The following LRRC28 variants were observed in gnomAD, a reference collection of about 807,000 sequenced individuals.
LRRC28 encodes the protein leucine rich repeat containing 28, also known as leucine-rich repeat-containing protein 28.
In LRRC28, 39 loss-of-function variants were observed where a neutral mutation model predicts 45.7. The ratio of observed to expected loss-of-function variants is 0.85; its 90% CI spans 0.66 to 1.12. The LOEUF (loss-of-function observed/expected upper bound fraction) is 1.12. Among genes scored for constraint, LRRC28 ranks in the 50% most tolerant of loss-of-function variants. The probability of loss-of-function intolerance (pLI) is 0.00; values close to 1 mark genes in which losing one functional copy is unlikely to be tolerated. For missense variants in LRRC28, 435 were observed against 438.5 expected (o/e 0.99, Z 0.07); for synonymous variants, 206 against 178.8 (o/e 1.15, Z -1.22).
intron 6 of LRRC28, among the ~76,000 whole-genome samples, chr15:99,343,538 A>G (rs1956585410): frequency 6.6e-6 from 1 of 152,348 alleles, no homozygotes; most frequent in African/African-American, 2.4e-5. Flanking sequence ...GAAGAAAAAA[A>G]GGAAATATTT....
At chr15:99,296,536 C>G (rs1410172245) in intron 5 of LRRC28, among the ~76,000 whole-genome samples, 1 of 152,196 alleles carries the variant, frequency 6.6e-6, no homozygotes, top group South Asian at 2.1e-4. Context: ...TAGCACTTCT[C>G]TCACTAAAAA....
intron 2 of LRRC28, among the ~76,000 whole-genome samples, chr15:99,272,463 G>T (rs773657451): frequency 6.6e-6 from 1 of 152,230 alleles, no homozygotes; most frequent in Non-Finnish European, 1.5e-5. Flanking sequence ...GAGAAGGAAA[G>T]AAAGTAGGTA....
At chr15:99,361,611 G>T in intron 8 of LRRC28, 100 bp downstream of exon 8, 3 of 1,215,424 alleles carry the variant, frequency 2.5e-6, no homozygotes, top group Non-Finnish European at 3.4e-6. Flanking sequence ...AAAAATTATT[G>T]TGGTAAAATA....
intron 2 of LRRC28, among the ~76,000 whole-genome samples, chr15:99,269,038 A>G (rs2081404638): frequency 6.6e-6 from 1 of 152,190 alleles, no homozygotes; most frequent in Admixed American, 6.5e-5. Flanking sequence ...TATCAAATTC[A>G]GAAACATTGT....
chr15:99,362,958 A>ATTCAG, intron 8 of LRRC28, 148 bp from the exon 9 acceptor site: 1 of 742,890 alleles, frequency 1.3e-6, no homozygotes, highest in Non-Finnish European at 2.0e-6. Flanking sequence ...TTAGATTTTT[A>ATTCAG]TTCAGTGTGT....
intron 6 of LRRC28, among the ~76,000 whole-genome samples, chr15:99,347,143 T>C (rs1384452725): frequency 6.6e-6 from 1 of 152,166 alleles, no homozygotes; most frequent in Non-Finnish European, 1.5e-5. Flanking sequence ...TCTGCTATTT[T>C]CCATCCTTAC....
At chr15:99,347,130 A>G (rs1430251078) in intron 6 of LRRC28, among the ~76,000 whole-genome samples, 1 of 151,592 alleles carries the variant, frequency 6.6e-6, no homozygotes, top group East Asian at 1.9e-4. Flanking sequence ...TTCATCCTAT[A>G]TGTCTGCTAT....
chr15:99,334,261 C>A, intron 6 of LRRC28, 132 bp downstream of exon 6: 1 of 991,944 alleles, frequency 1.0e-6, no homozygotes, highest in Non-Finnish European at 1.5e-6. Context: ...TTTGTTTTTG[C>A]AGTGAACAAA....
chr15:99,337,384 G>A (rs939174130), intron 6 of LRRC28, among the ~76,000 whole-genome samples: 23 of 152,258 alleles, frequency 1.5e-4, no homozygotes, highest in African/African-American at 5.5e-4. Context: ...AGAAATGGTT[G>A]TTGGGTAGAG....
rs1254150981 is a variant in LRRC28, at chr15:99,337,724, A to G, written c.592+3595A>G. ...ATGCCTTATGGCAGTTGAAGTAACC[A>G]CAACTCCCAAGTCGGGCTGCAGATA... is the stretch of plus-strand genomic sequence containing the variant. On this transcript the variant is annotated intron_variant, in intron 6 of 9. Transcript: ENST00000301981. 3 of 152,352 alleles carry G rather than the reference A, an allele frequency of 2.0e-5. No homozygotes were observed. The East Asian group carries it at 5.8e-4, about 29-fold the overall frequency. 9.4% of individuals were successfully genotyped at this position (152,352 alleles called of 1,614,324 possible).
Position 99,354,590 on chromosome 15 carries a change from T to C in LRRC28, c.695+2119T>C, listed in dbSNP as rs551310469. On this transcript the variant is annotated intron_variant, in intron 7 of 9. Coordinates refer to ENST00000301981, the MANE Select transcript of LRRC28 (RefSeq NM_144598.5). Reference sequence around the variant, plus strand: ...GGTCCAGTTGTTCCTTCAGTGAACATTTATTGAGCAACTACTCTGTTTGGT... The same window carrying C: ...GGTCCAGTTGTTCCTTCAGTGAACACTTATTGAGCAACTACTCTGTTTGGT... Among the ~76,000 whole-genome samples, 3 of 152,260 alleles carry C rather than the reference T, an allele frequency of 2.0e-5. No individual in the cohort carries two copies. The South Asian group carries it at 6.2e-4, about 32-fold the overall frequency.
chr15:99,375,272 G>T (rs1957595860), intron 9 of LRRC28, among the ~76,000 whole-genome samples: 2 of 152,122 alleles, frequency 1.3e-5, no homozygotes, highest in South Asian at 4.1e-4. Flanking sequence ...TATGGTGGGT[G>T]ATACTGATTA....
In LRRC28 at chr15:99,383,850, T is replaced by G. The variant is rs553490454; in HGVS notation, c.1032-2180T>G. Among the ~76,000 whole-genome samples the G allele has an allele frequency of 9.8e-4, 149 of 152,312 alleles. 1 individual carries two copies. Among genetic ancestry groups the G allele is most frequent in the Non-Finnish European group, 1.7e-3 (114 of 68,026 alleles). On this transcript the variant is annotated intron_variant, in intron 9 of 9. Transcript: ENST00000301981. ...CCCTCTAGAATCTGCAAGGGGAGTC[T>G]AGCATAGCTGTCTCATTAGCTGTTG... is the stretch of plus-strand genomic sequence containing the variant.
rs1293488593 is a variant in LRRC28 at position 99,389,571 on chromosome 15, A to G, written c.*3469A>G. 6.6e-6 allele frequency: 1 copy of G among 152,216 alleles called. No individual in the cohort carries two copies. Among genetic ancestry groups the G allele is most frequent in the Non-Finnish European group, 1.5e-5 (1 of 68,042 alleles). The allele number at this position is 152,216 out of a possible 1,614,324, so 9.4% of individuals were successfully genotyped here. On this transcript the variant is annotated 3_prime_UTR_variant, in exon 10 of 10. Transcript: ENST00000301981. ...TAACTGGACCAACACTAATGTTGCA[A>G]CCTGATAAAATTTGAGATGTAAATT... is the stretch of plus-strand genomic sequence containing the variant.
chr15:99,368,942 A>G (rs1162428275), intron 9 of LRRC28, among the ~76,000 whole-genome samples: 1 of 152,192 alleles, frequency 6.6e-6, no homozygotes, highest in Non-Finnish European at 1.5e-5. Context: ...TGTGCCTTCA[A>G]CACTTTGCTT....
chr15:99,334,273 C>A (rs999096660), intron 6 of LRRC28, 144 bp downstream of exon 6: 7 of 842,272 alleles, frequency 8.3e-6, no homozygotes, highest in Middle Eastern at 2.3e-4. Context: ...GTGAACAAAG[C>A]GTCATTCCTA....
chr15:99,255,144 C>T (rs2080978475), intron 1 of LRRC28, among the ~76,000 whole-genome samples: 1 of 152,120 alleles, frequency 6.6e-6, no homozygotes, highest in African/African-American at 2.4e-5. Context: ...ATTGCTTGAG[C>T]TCAGGAATTT....
intron 6 of LRRC28, among the ~76,000 whole-genome samples, chr15:99,350,312 A>AT (rs1956838657): frequency 6.6e-6 from 1 of 152,046 alleles, no homozygotes; most frequent in Admixed American, 6.6e-5. Flanking sequence ...TTTTGAGGGA[A>AT]ATTGTGGTTC....
At chr15:99,382,359 C>T (rs1353821180) in intron 9 of LRRC28, among the ~76,000 whole-genome samples, 3 of 152,196 alleles carry the variant, frequency 2.0e-5, no homozygotes, top group African/African-American at 7.2e-5. Context: ...TCTGGTGTGC[C>T]GTTTGCTCAG....
Sources: allele counts gnomAD v4.1 joint callset (sites outside exome capture counted in the v4.1 genomes callset), GRCh38; gene constraint gnomAD v4.1.1; transcripts MANE v1.5; gene names NCBI Gene and HGNC (gene_info 2026-07-23, HGNC 2026-07-21).